Variants in SAMMSON observed in about 807,000 individuals in gnomAD.
The protein encoded by SAMMSON is survival associated mitochondrial melanoma specific oncogenic non-coding RNA.
intron 4 of SAMMSON, among the ~76,000 whole-genome samples, chr3:70,150,302 A>G (rs1318864453): frequency 2.0e-5 from 3 of 152,082 alleles, no homozygotes; most frequent in Non-Finnish European, 4.4e-5. Flanking sequence ...TGGTTTCAAT[A>G]AAAGCTCTAA....
At chr3:70,288,286 A>G (rs1177444076) in intron 6 of SAMMSON, among the ~76,000 whole-genome samples, 1 of 114,108 alleles carries the variant, frequency 8.8e-6, no homozygotes, top group East Asian at 2.6e-4. Flanking sequence ...TTCAAAGAAC[A>G]TCTTTATTTC....
intron 4 of SAMMSON, among the ~76,000 whole-genome samples, chr3:70,199,279 G>A (rs1701211537): frequency 6.6e-6 from 1 of 152,130 alleles, no homozygotes; most frequent in South Asian, 2.1e-4. Context: ...TCCTGAGAGT[G>A]TACAACCTTT....
chr3:70,103,607 T>C (rs1195237019), intron 4 of SAMMSON, among the ~76,000 whole-genome samples: 1 of 152,174 alleles, frequency 6.6e-6, no homozygotes, highest in African/African-American at 2.4e-5. Flanking sequence ...TAGTTTCTAC[T>C]TGAATTCTCC....
intron 2 of SAMMSON, among the ~76,000 whole-genome samples, chr3:70,431,724 G>C (rs1208209680): frequency 6.6e-6 from 1 of 152,066 alleles, no homozygotes; most frequent in Non-Finnish European, 1.5e-5. Flanking sequence ...ATATTTCCCA[G>C]AAAGTGTCCT....
At chr3:70,101,765 G>A (rs1022640733) in intron 4 of SAMMSON, among the ~76,000 whole-genome samples, 20 of 152,012 alleles carry the variant, frequency 1.3e-4, no homozygotes, top group African/African-American at 2.4e-4. Flanking sequence ...CATTTGACTC[G>A]TAAGGAAACA....
chr3:70,240,637 A>G (rs753038052), intron 4 of SAMMSON, among the ~76,000 whole-genome samples: 6 of 152,114 alleles, frequency 3.9e-5, no homozygotes, highest in Admixed American at 1.3e-4. Flanking sequence ...AGCGTCAATT[A>G]TAAGTACTTA....
chr3:70,218,921 C>T (rs1701438094), intron 4 of SAMMSON, among the ~76,000 whole-genome samples: 1 of 151,822 alleles, frequency 6.6e-6, no homozygotes, highest in Non-Finnish European at 1.5e-5. Flanking sequence ...AATAAGCTAC[C>T]ACAAAGTTAG....
chr3:70,206,453 C>T (rs1701291504), intron 4 of SAMMSON: 1 of 394,782 alleles, frequency 2.5e-6, no homozygotes, highest in African/African-American at 2.1e-5. Context: ...AAATCGAAGT[C>T]TTCGTGTTTA....
chr3:70,409,555 C>T (rs551237015), intron 2 of SAMMSON, among the ~76,000 whole-genome samples: 2 of 151,978 alleles, frequency 1.3e-5, no homozygotes, highest in Non-Finnish European at 2.9e-5. Context: ...GCAACACTGG[C>T]TCCAAGTAAT....
In SAMMSON at chr3:70,407,417, G is replaced by A. The variant is rs564068332; in HGVS notation, n.233+49093G>A. 2.6e-5 allele frequency among the ~76,000 whole-genome samples: 4 copies of A among 152,312 alleles called. No individual in the cohort carries two copies. The South Asian group carries it at 8.3e-4, about 32-fold the overall frequency. Reference sequence around the variant, plus strand: ...TATGAGACTGTGAAATTAAAAGCAAGCTGGTTACTTCCTAGATACAATGGG... The same window carrying A: ...TATGAGACTGTGAAATTAAAAGCAAACTGGTTACTTCCTAGATACAATGGG... On this transcript the variant is annotated intron_variant and non_coding_transcript_variant, in intron 2 of 3. Coordinates refer to the SAMMSON transcript ENST00000641053.
intron 6 of SAMMSON, among the ~76,000 whole-genome samples, chr3:70,261,763 C>T (rs1294982129): frequency 1.3e-5 from 2 of 152,120 alleles, no homozygotes; most frequent in Non-Finnish European, 2.9e-5. Flanking sequence ...AGGAGGAAAG[C>T]CTTAACCTCA....
At chr3:70,118,770 T>C (rs2067421614) in intron 4 of SAMMSON, among the ~76,000 whole-genome samples, 1 of 152,198 alleles carries the variant, frequency 6.6e-6, no homozygotes, top group Non-Finnish European at 1.5e-5. Context: ...GTGAGGTAGC[T>C]GTTACCCCTA....
At chr3:70,223,012 T>C (rs979078222) in intron 4 of SAMMSON, among the ~76,000 whole-genome samples, 2 of 152,176 alleles carry the variant, frequency 1.3e-5, no homozygotes, top group African/African-American at 4.8e-5. Flanking sequence ...GAATGTCTGA[T>C]TCTGTGAGTA....
At chr3:70,333,873 G>A (rs1306749892) in intron 7 of SAMMSON, among the ~76,000 whole-genome samples, 1 of 152,166 alleles carries the variant, frequency 6.6e-6, no homozygotes, top group East Asian at 1.9e-4. Context: ...TGTTAAGTAC[G>A]TGAGAGAAAT....
intron 7 of SAMMSON, among the ~76,000 whole-genome samples, chr3:70,324,959 G>A (rs1361191243): frequency 1.3e-5 from 2 of 150,226 alleles, no homozygotes; most frequent in Non-Finnish European, 3.0e-5. Context: ...AGGAAAAAAA[G>A]GCATTGGATA....
intron 4 of SAMMSON, among the ~76,000 whole-genome samples, chr3:70,199,206 G>A (rs188549545): frequency 2.0e-5 from 3 of 152,256 alleles, no homozygotes; most frequent in Admixed American, 2.0e-4. Context: ...GTGACCTTAA[G>A]GATTGGAGCT....
chr3:70,074,692 A>G (rs1406403894), intron 4 of SAMMSON, among the ~76,000 whole-genome samples: 1 of 152,118 alleles, frequency 6.6e-6, no homozygotes, highest in Non-Finnish European at 1.5e-5. Flanking sequence ...ACATAATCAC[A>G]TGTAGAATTT....
intron 4 of SAMMSON, among the ~76,000 whole-genome samples, chr3:70,204,003 G>A (rs1183366533): frequency 1.3e-5 from 2 of 152,134 alleles, no homozygotes; most frequent in East Asian, 3.9e-4. Context: ...CACAGTGTGT[G>A]ATGTGCAGTA....
chr3:70,012,572 G>A (rs1009842743), exon 2 of SAMMSON: 2 of 152,158 alleles, frequency 1.3e-5, no homozygotes, highest in African/African-American at 2.4e-5. Flanking sequence ...CTGACCCACT[G>A]TAATGTCTGA....
Sources: gnomAD v4.1 joint callset for allele counts (sites outside exome capture counted in the v4.1 genomes callset) on GRCh38, gnomAD v4.1.1 for gene constraint, MANE v1.5 for transcripts, NCBI Gene and HGNC (gene_info 2026-07-23, HGNC 2026-07-21) for gene names.